Variants in LINGO2 observed in about 807,000 individuals in gnomAD.
LINGO2 encodes the protein leucine rich repeat and Ig domain containing 2, also known as leucine-rich repeat and immunoglobulin-like domain-containing nogo receptor-interacting protein 2.
Under a neutral mutation model 30.6 loss-of-function variants are expected in LINGO2, and 14 were observed. The ratio of observed to expected loss-of-function variants is 0.46; its 90% CI spans 0.30 to 0.72. The LOEUF (loss-of-function observed/expected upper bound fraction) is 0.72, where lower values mean the gene tolerates loss of function less well. LINGO2 is among the 30% of genes least tolerant of loss of function. LINGO2 has a pLI of 0.07. For synonymous variants in LINGO2, 317 were observed against 288.5 expected (o/e 1.10, Z -1.00); for missense variants, 729 against 751.7 (o/e 0.97, Z 0.35).
At chr9:28,795,976 T>C in the LINGO2 span, among the ~76,000 whole-genome samples, 2 of 100,682 alleles carry the variant, frequency 2.0e-5, no homozygotes, top group Non-Finnish European at 4.0e-5. Context: ...ATATGGCCAG[T>C]ACTAGATACA....
the LINGO2 span, among the ~76,000 whole-genome samples, chr9:28,999,588 T>A: frequency 6.6e-6 from 1 of 152,014 alleles, no homozygotes; most frequent in Non-Finnish European, 1.5e-5. Flanking sequence ...TATACTTCCT[T>A]CAAACTTTGT....
In LINGO2 at chr9:27,991,963, ACC is replaced by A. The variant is rs764839012; in HGVS notation, c.-36+20390_-36+20391del. Among the ~76,000 whole-genome samples, 1,303 of 152,202 alleles carry A rather than the reference ACC, an allele frequency of 8.6e-3. 96 individuals carry two copies. The East Asian group carries it at 0.17, about 20-fold the overall frequency. On this transcript the variant is annotated intron_variant, in intron 5 of 5. Coordinates refer to ENST00000379992, the Ensembl canonical transcript of LINGO2. ...CAATTTCCACAAGACTCTAGTTGTC[ACC>A]AATATCGTACACTCATTTTCACTTC...
intron 3 of LINGO2, among the ~76,000 whole-genome samples, chr9:28,314,934 G>A (rs1405515190): frequency 6.7e-6 from 1 of 150,114 alleles, no homozygotes; most frequent in African/African-American, 2.4e-5. Flanking sequence ...GCAGTGAGCC[G>A]AGATGGCGGA....
the LINGO2 span, among the ~76,000 whole-genome samples, chr9:29,166,388 T>A: frequency 6.6e-6 from 1 of 152,042 alleles, no homozygotes; most frequent in African/African-American, 2.4e-5. Context: ...CATAGAGGTA[T>A]ATAGAGAGAA....
chr9:29,097,175 C>T, the LINGO2 span, among the ~76,000 whole-genome samples: 1 of 138,238 alleles, frequency 7.2e-6, no homozygotes, highest in South Asian at 2.3e-4. Context: ...TATACACATT[C>T]TAAATGTATT....
At position 28,084,232 on chromosome 9, in the gene LINGO2, G is replaced by A. The variant is rs190575590; in HGVS notation, c.-86-71827C>T. 8.5e-5 allele frequency among the ~76,000 whole-genome samples: 13 copies of A among 152,112 alleles called. No individual in the cohort carries two copies. In the East Asian group the frequency reaches 2.5e-3, roughly 29 times the overall value. On this transcript the variant is annotated intron_variant, in intron 4 of 5. Coordinates refer to ENST00000379992, the Ensembl canonical transcript of LINGO2. Reference sequence around the variant, plus strand: ...TGTTTTAAAAGAGACAACTTTGTTGGTACTAAAATCATTCTAATTATGTTC... The same window carrying A: ...TGTTTTAAAAGAGACAACTTTGTTGATACTAAAATCATTCTAATTATGTTC...
intron 5 of LINGO2, among the ~76,000 whole-genome samples, chr9:27,985,059 T>C (rs1160685518): frequency 6.6e-6 from 1 of 151,896 alleles, no homozygotes; most frequent in East Asian, 1.9e-4. Context: ...TGAATTATTT[T>C]AGTTTAACAG....
the LINGO2 span, among the ~76,000 whole-genome samples, chr9:28,961,399 A>T: frequency 3.9e-5 from 6 of 152,174 alleles, no homozygotes; most frequent in African/African-American, 1.4e-4. Context: ...ATAACTTGTA[A>T]CGTAATCCAT....
chr9:28,733,215 G>C, the LINGO2 span, among the ~76,000 whole-genome samples: 1 of 151,738 alleles, frequency 6.6e-6, no homozygotes, highest in Admixed American at 6.6e-5. Flanking sequence ...TGTCTGGAGG[G>C]GGGTAAAAAA....
chr9:29,034,851 C>G, the LINGO2 span, among the ~76,000 whole-genome samples: 1 of 152,134 alleles, frequency 6.6e-6, no homozygotes, highest in Non-Finnish European at 1.5e-5. Context: ...CTGACAATGC[C>G]ATAATGAGCT....
At chr9:28,228,299 G>A (rs1328401637) in intron 4 of LINGO2, among the ~76,000 whole-genome samples, 3 of 151,916 alleles carry the variant, frequency 2.0e-5, no homozygotes, top group Non-Finnish European at 2.9e-5. Flanking sequence ...AAAGCTCTCA[G>A]TGTTAGAGAG....
At chr9:28,328,400 A>G (rs1825304469) in intron 3 of LINGO2, among the ~76,000 whole-genome samples, 1 of 152,204 alleles carries the variant, frequency 6.6e-6, no homozygotes, top group South Asian at 2.1e-4. Flanking sequence ...CTAAATGAAT[A>G]GCAGAAGAAA....
the LINGO2 span, among the ~76,000 whole-genome samples, chr9:29,112,309 T>C: frequency 6.6e-6 from 1 of 152,060 alleles, no homozygotes; most frequent in Non-Finnish European, 1.5e-5. Context: ...TTGGCAGAAG[T>C]GCAATTTTTT....
the LINGO2 span, chr9:28,863,598 T>C: frequency 1.9e-6 from 1 of 527,486 alleles, no homozygotes; most frequent in Non-Finnish European, 3.9e-6. Flanking sequence ...TTAGGCTTCA[T>C]GGTGTAGATC....
At chr9:28,996,359 G>A in the LINGO2 span, among the ~76,000 whole-genome samples, 8 of 152,040 alleles carry the variant, frequency 5.3e-5, no homozygotes, top group African/African-American at 9.7e-5. Context: ...GTTGAACTAC[G>A]TAACTAGATT....
At chr9:28,419,472 G>T (rs541810984) in intron 2 of LINGO2, among the ~76,000 whole-genome samples, 2 of 151,824 alleles carry the variant, frequency 1.3e-5, no homozygotes, top group Non-Finnish European at 2.9e-5. Flanking sequence ...GTTGTATAAA[G>T]GTAAGACTGT....
At chr9:28,420,513 A>G (rs973193468) in intron 2 of LINGO2, among the ~76,000 whole-genome samples, 3 of 151,990 alleles carry the variant, frequency 2.0e-5, no homozygotes, top group East Asian at 3.9e-4. Context: ...TTTTTTTCAT[A>G]TATCACTTCC....
intron 4 of LINGO2, among the ~76,000 whole-genome samples, chr9:28,122,716 C>T (rs1323622225): frequency 6.6e-6 from 1 of 152,282 alleles, no homozygotes; most frequent in East Asian, 1.9e-4. Flanking sequence ...TGTCTTTTTC[C>T]ATTTCCAAGC....
chr9:28,837,359 G>T, the LINGO2 span, among the ~76,000 whole-genome samples: 3 of 151,884 alleles, frequency 2.0e-5, no homozygotes, highest in African/African-American at 7.3e-5. Flanking sequence ...TAGAAATATT[G>T]TTAGGGCCAA....
Sources: allele counts gnomAD v4.1 joint callset (sites outside exome capture counted in the v4.1 genomes callset), GRCh38; gene constraint gnomAD v4.1.1; transcripts MANE v1.5; gene names NCBI Gene and HGNC (gene_info 2026-07-23, HGNC 2026-07-21).